Variants in CSMD1 observed in about 807,000 individuals in gnomAD.
The protein encoded by CSMD1 is CUB and Sushi multiple domains 1, also known as CUB and sushi domain-containing protein 1.
Under a neutral mutation model 417.5 loss-of-function variants are expected in CSMD1, and 213 were observed. The observed-to-expected ratio is 0.51, with a 90% CI of 0.46 to 0.57. The LOEUF (loss-of-function observed/expected upper bound fraction) is 0.57. Ranked by LOEUF, CSMD1 falls within the 20% of genes least tolerant of loss-of-function variation. CSMD1 has a pLI of 0.00. For synonymous variants in CSMD1, 2,862 were observed against 1,736.8 expected (o/e 1.65, Z -16.11); for missense variants, 6,923 against 4,529.7 (o/e 1.53, Z -15.17).
intron 3 of CSMD1, among the ~76,000 whole-genome samples, chr8:4,054,502 T>C (rs952422993): frequency 2.0e-5 from 3 of 152,000 alleles, no homozygotes; most frequent in Non-Finnish European, 2.9e-5. Context: ...GTCATGTCGG[T>C]TTCGTCTACA....
chr8:4,122,083 A>G (rs576173847), intron 3 of CSMD1, among the ~76,000 whole-genome samples: 11 of 152,232 alleles, frequency 7.2e-5, no homozygotes, highest in African/African-American at 1.2e-4. Context: ...ATATATATCA[A>G]TATCATAGAA....
intron 1 of CSMD1, among the ~76,000 whole-genome samples, chr8:4,766,089 G>A (rs990989010): frequency 8.6e-5 from 13 of 152,046 alleles, no homozygotes; most frequent in Non-Finnish European, 4.4e-5. Flanking sequence ...TTTTTCAAAG[G>A]TTATTACATT....
intron 5 of CSMD1, among the ~76,000 whole-genome samples, chr8:3,916,898 T>G (rs1038598145): frequency 7.5e-6 from 1 of 133,110 alleles, no homozygotes; most frequent in African/African-American, 2.6e-5. Flanking sequence ...TGAAACAGAA[T>G]GAGACATATT....
intron 2 of CSMD1, among the ~76,000 whole-genome samples, chr8:4,528,232 G>A (rs970010861): frequency 1.3e-5 from 2 of 152,056 alleles, no homozygotes; most frequent in Admixed American, 6.5e-5. Context: ...TCAGTGATAA[G>A]ACAATATCTA....
At chr8:3,595,058 C>A (rs1801027812) in intron 8 of CSMD1, among the ~76,000 whole-genome samples, 1 of 152,190 alleles carries the variant, frequency 6.6e-6, no homozygotes, top group African/African-American at 2.4e-5. Flanking sequence ...TGGGAACATT[C>A]ATCTCTATTT....
chr8:3,437,834 G>C (rs991286556), intron 12 of CSMD1, among the ~76,000 whole-genome samples: 1 of 151,654 alleles, frequency 6.6e-6, no homozygotes, highest in African/African-American at 2.4e-5. Flanking sequence ...TGCAACCTCA[G>C]CCTCCTGTGT....
intron 12 of CSMD1, among the ~76,000 whole-genome samples, chr8:3,456,854 G>A (rs934662506): frequency 6.6e-6 from 1 of 152,046 alleles, no homozygotes; most frequent in Non-Finnish European, 1.5e-5. Flanking sequence ...TGAAACCCGA[G>A]CCCAGGTCTC....
intron 49 of CSMD1, among the ~76,000 whole-genome samples, 175 bp from the exon 50 acceptor site, chr8:3,052,822 C>T (rs1306178832): frequency 6.8e-6 from 1 of 148,124 alleles, no homozygotes; most frequent in South Asian, 2.1e-4. Context: ...TGTGCTGTCT[C>T]CCAGGCTGGA....
chr8:3,900,658 G>A (rs1038304184), intron 5 of CSMD1, among the ~76,000 whole-genome samples: 3 of 152,058 alleles, frequency 2.0e-5, no homozygotes, highest in Admixed American at 2.0e-4. Flanking sequence ...CTGTAGCTGA[G>A]TGACAGTGTA....
intron 1 of CSMD1, among the ~76,000 whole-genome samples, chr8:4,960,010 T>C (rs1809374820): frequency 6.6e-6 from 1 of 152,194 alleles, no homozygotes; most frequent in Admixed American, 6.5e-5. Flanking sequence ...CTCACTAGGA[T>C]GCAATTTCAA....
chr8:3,745,892 T>TCACTACAGCAGCTCGC (rs1272700150), intron 6 of CSMD1, among the ~76,000 whole-genome samples: 6 of 152,080 alleles, frequency 3.9e-5, no homozygotes, highest in Admixed American at 2.0e-4. Context: ...TGGGGAGCAG[T>TCACTACAGCAGCTCGC]CACTACAGCA....
Position 3,772,542 on chromosome 8 carries a change from C to CATATATACATATATAT in CSMD1, c.819-18501_819-18500insATATATATGTATATAT, listed in dbSNP as rs1563064732. Among the ~76,000 whole-genome samples the CATATATACATATATAT allele has an allele frequency of 1.1e-3, 59 of 52,866 alleles. 2 individuals are homozygous for CATATATACATATATAT. The highest frequency in any genetic ancestry group is 3.0e-3 in the African/African-American group (57 of 19,166). 34.7% of individuals were successfully genotyped at this position (52,866 alleles called of 152,430 possible). A position where few individuals can be genotyped will look rare whatever the true frequency, so the allele number is the denominator to read the frequency against. On this transcript the variant is annotated intron_variant, in intron 5 of 69. Transcript: ENST00000635120. ...ATATATACACATATATACATATATA[C>CATATATACATATATAT]ACATATATACATATATACATATATA...
intron 5 of CSMD1, among the ~76,000 whole-genome samples, chr8:3,873,249 C>T (rs936286403): frequency 2.6e-5 from 4 of 152,046 alleles, no homozygotes; most frequent in East Asian, 3.9e-4. Context: ...AAGACACATG[C>T]AGGTGTATGT....
At chr8:3,879,774 G>T (rs1221870008) in intron 5 of CSMD1, among the ~76,000 whole-genome samples, 3 of 152,040 alleles carry the variant, frequency 2.0e-5, no homozygotes, top group Non-Finnish European at 2.9e-5. Context: ...AACTAACATT[G>T]CTTTCAGCTT....
intron 3 of CSMD1, among the ~76,000 whole-genome samples, chr8:4,098,802 T>A (rs1801155867): frequency 6.6e-6 from 1 of 152,176 alleles, no homozygotes; most frequent in African/African-American, 2.4e-5. Flanking sequence ...GAAGACAATG[T>A]CATAAAAAGT....
intron 3 of CSMD1, among the ~76,000 whole-genome samples, chr8:4,245,845 A>G (rs1293141395): frequency 1.3e-5 from 2 of 152,174 alleles, no homozygotes; most frequent in East Asian, 1.9e-4. Flanking sequence ...TCATTACATA[A>G]TCACATAATC....
intron 2 of CSMD1, among the ~76,000 whole-genome samples, chr8:4,436,101 C>T (rs1051027024): frequency 6.6e-6 from 1 of 152,108 alleles, no homozygotes; most frequent in African/African-American, 2.4e-5. Flanking sequence ...ACATGTCCAA[C>T]TGAGCTAAAT....
At chr8:4,448,075 C>G (rs963305573) in intron 2 of CSMD1, among the ~76,000 whole-genome samples, 1 of 152,178 alleles carries the variant, frequency 6.6e-6, no homozygotes, top group African/African-American at 2.4e-5. Flanking sequence ...CTTAGCTGTC[C>G]AGTGGAAATT....
Position 3,284,242 on chromosome 8 carries a change from G to T in CSMD1, c.4055C>A (p.Ala1352Asp). 3.7e-6 allele frequency: 6 copies of T among 1,613,656 alleles called. No homozygotes were observed. Among genetic ancestry groups the T allele is most frequent in the Non-Finnish European group, 5.1e-6 (6 of 1,179,736 alleles). Residue 1352 changes from alanine to aspartate, a missense_variant, in exon 26 of 70, where the codon GCC becomes GAC. Physicochemically the swap from Ala to Asp is moderately radical, Grantham distance 126 (BLOSUM62 -2). Coordinates refer to ENST00000635120, the MANE Select transcript of CSMD1 (RefSeq NM_033225.6). ...DILLKEWSGSALPEDIHSTFN... is the reference protein window; with the variant it reads ...DILLKEWSGSDLPEDIHSTFN... ...GGTGCTGTGGATGTCCTCCGGAAGG[G>T]CGGAGCCACTCCACTCCTTCAGCAG...
Sources: gnomAD v4.1 joint callset for allele counts (sites outside exome capture counted in the v4.1 genomes callset) on GRCh38, gnomAD v4.1.1 for gene constraint, MANE v1.5 for transcripts, NCBI Gene and HGNC (gene_info 2026-07-23, HGNC 2026-07-21) for gene names.